Variants in CXCL16 observed in about 807,000 individuals in gnomAD.
CXCL16 encodes C-X-C motif chemokine 16.
In CXCL16, 18 loss-of-function variants were observed where a neutral mutation model predicts 23.8. The observed-to-expected ratio is 0.76, with a 90% CI of 0.52 to 1.12. The LOEUF (loss-of-function observed/expected upper bound fraction) is 1.12. CXCL16 is among the 50% of genes most tolerant of loss of function. The probability of loss-of-function intolerance (pLI) is 0.00; values close to 1 mark genes in which losing one functional copy is unlikely to be tolerated. For missense variants in CXCL16, 297 were observed against 315.4 expected, an observed-to-expected ratio of 0.94 and a Z score of 0.44; for synonymous variants, 123 against 132.5, an observed-to-expected ratio of 0.93 and a Z score of 0.49.
chr17:4,737,575 T>TAAAA (rs55694753), intron 3 of CXCL16, among the ~76,000 whole-genome samples: 66 of 41,914 alleles, frequency 1.6e-3, no homozygotes, highest in Non-Finnish European at 1.8e-3. Context: ...AAGACTCCAT[T>TAAAA]AAAAAAAAAA....
chr17:4,738,495 G>A lies in CXCL16; in HGVS notation c.219-5C>T, dbSNP rs1375822505. ...CTCCAGGAAAGGAGCTGGAACCTGCGGAGGAGAGACCTGGGCTTAGCTGCG... is the reference window on the plus strand; with the variant it reads ...CTCCAGGAAAGGAGCTGGAACCTGCAGAGGAGAGACCTGGGCTTAGCTGCG... On this transcript the variant is annotated splice_region_variant and splice_polypyrimidine_tract_variant and intron_variant, in intron 2 of 5. Transcript: ENST00000293778. This position sits in a 1 kb window ranked among gnomAD's most constrained non-coding sequence, Gnocchi z 4.0. 1.9e-6 allele frequency: 3 copies of A among 1,610,062 alleles called. No homozygotes were observed. The highest frequency in any genetic ancestry group is 2.7e-5 in the African/African-American group (2 of 74,870).
At position 4,738,404 on chromosome 17, in the gene CXCL16, T is replaced by C. The variant is rs377542126; in HGVS notation, c.301+4A>G. On this transcript the variant is annotated splice_donor_region_variant and intron_variant, in intron 3 of 5. Transcript: ENST00000293778. The surrounding 1 kb of genome is among the most constrained non-coding windows in gnomAD (Gnocchi z 4.0). ...GAGCCTGAAGAGCAGTGGAAAAGTC[T>C]CACCTTTGAGATCAAGACAGCTCAT... The C allele has an allele frequency of 4.3e-6, 7 of 1,611,832 alleles. No individual in the cohort carries two copies. The highest frequency in any genetic ancestry group is 5.9e-6 in the Non-Finnish European group (7 of 1,178,044).
rs144767148 is a variant in CXCL16, at chr17:4,738,458, C to T, written c.251G>A (p.Gly84Asp). The T allele has an allele frequency of 5.5e-5, 89 of 1,613,922 alleles. 1 individual carries two copies. The Admixed American group carries it at 1.2e-3, about 22-fold the overall frequency. Residue 84 changes from glycine (G) to aspartate (D), a missense_variant, in exon 3 of 6, where the codon GGC becomes GAC. By Grantham distance (94) the Gly-to-Asp change is moderately conservative. Transcript: ENST00000293778. The surrounding 1 kb of genome is among the most constrained non-coding windows in gnomAD (Gnocchi z 4.0). Reference protein sequence around the residue: ...FQLLSWSVCGGNKDPWVQELM... With the variant: ...FQLLSWSVCGDNKDPWVQELM... ...TTCCTGAACCCATGGGTCCTTGTTG[C>T]CCCCACACACGCTCCAGGAAAGGAG...
chr17:4,737,918 C>T (rs1428315903), intron 3 of CXCL16, among the ~76,000 whole-genome samples: 1 of 149,348 alleles, frequency 6.7e-6, no homozygotes, highest in Non-Finnish European at 1.5e-5. Flanking sequence ...GATCACAAGG[C>T]CAGGAGTTCG....
chr17:4,735,124 C>T lies in CXCL16; in HGVS notation c.686G>A (p.Arg229Lys). ...TAALSYVLCK[R>K]RRGQSPQSSP... ...GGACTGCGGTGACTGCCCCCTCCTC[C>T]TCTTGCACAGCACATAGGAAAGGGC... Residue 229 changes from arginine to lysine, a missense_variant, in exon 4 of 6, where the codon AGG becomes AAG. Coordinates refer to ENST00000293778, the MANE Select transcript of CXCL16 (RefSeq NM_001386809.1). The T allele has an allele frequency of 1.2e-6, 2 of 1,612,924 alleles. No homozygotes were observed.
In CXCL16 at chr17:4,734,414, G is replaced by T. The variant is rs569809284; in HGVS notation, c.*89C>A. The stretch of plus-strand genomic sequence containing the variant: ...CGCCTATAATCCTCGCACCTTCAGA[G>T]GCCAAGGTGGGAGGATCACTTGACT... On this transcript the variant is annotated 3_prime_UTR_variant, in exon 6 of 6. Transcript: ENST00000293778. 2.0e-5 allele frequency: 10 copies of T among 506,496 alleles called. No individual in the cohort carries two copies. In the East Asian group the frequency reaches 3.6e-4, roughly 18 times the overall value. The allele number at this position is 506,496 out of a possible 1,614,324, so 31.4% of individuals were successfully genotyped here.
Position 4,739,362 on chromosome 17 carries a change from G to A in CXCL16, c.-23C>T, listed in dbSNP as rs752527033. 9 of 1,613,058 alleles carry A rather than the reference G, an allele frequency of 5.6e-6. No homozygotes were observed. Among genetic ancestry groups the A allele is most frequent in the African/African-American group, 1.3e-5 (1 of 75,020 alleles). ...CATCTCGGGGCTCCGCGGACTCTGC[G>A]GGGATGGAGCCACCTCGCTCTGACT... On this transcript the variant is annotated 5_prime_UTR_variant, in exon 1 of 6. Coordinates refer to ENST00000293778, the MANE Select transcript of CXCL16 (RefSeq NM_001386809.1). This position sits in a 1 kb window ranked among gnomAD's most constrained non-coding sequence, Gnocchi z 5.3.
chr17:4,739,658 A>G lies in CXCL16; in HGVS notation c.-319T>C. 2 of 679,990 alleles carry G rather than the reference A, an allele frequency of 2.9e-6. No homozygotes were observed. The highest frequency in any genetic ancestry group is 4.4e-6 in the Non-Finnish European group (2 of 458,228). The allele number at this position is 679,990 out of a possible 1,614,324, so 42.1% of individuals were successfully genotyped here. ...GAATCTTGGAAGAAACCGAAAGAAA[A>G]CTCCGGCGGCGGGCGAGGAGGGGCG... On this transcript the variant is annotated 5_prime_UTR_variant, in exon 1 of 6. Coordinates refer to ENST00000293778, the MANE Select transcript of CXCL16 (RefSeq NM_001386809.1). The surrounding 1 kb of genome is among the most constrained non-coding windows in gnomAD (Gnocchi z 5.3).
chr17:4,734,815 C>A (rs1006723632), intron 4 of CXCL16, among the ~76,000 whole-genome samples, 163 bp from the exon 5 acceptor site: 1 of 152,196 alleles, frequency 6.6e-6, no homozygotes, highest in Non-Finnish European at 1.5e-5. Context: ...GCCCTCACCT[C>A]CCTCCACAGC....
Position 4,738,453 on chromosome 17 carries a change from T to A in CXCL16, c.256A>T (p.Lys86Ter). 6 of 1,614,084 alleles carry A rather than the reference T, an allele frequency of 3.7e-6. No individual in the cohort carries two copies. The highest frequency in any genetic ancestry group is 3.4e-6 in the Non-Finnish European group (4 of 1,179,946). ...LLSWSVCGGNKDPWVQELMSC... is the reference protein window; with the variant it reads ...LLSWSVCGGN Reference sequence around the variant, plus strand: ...ATCAATTCCTGAACCCATGGGTCCTTGTTGCCCCCACACACGCTCCAGGAA... The same window carrying A: ...ATCAATTCCTGAACCCATGGGTCCTAGTTGCCCCCACACACGCTCCAGGAA... The change falls in exon 3 of 6, where the codon AAG (lysine) becomes TAG (stop). Residue 86 changes from lysine (K) to a stop codon, truncating the protein, a stop_gained. Coordinates refer to ENST00000293778, the MANE Select transcript of CXCL16 (RefSeq NM_001386809.1). LOFTEE classifies it high-confidence loss of function. This position sits in a 1 kb window ranked among gnomAD's most constrained non-coding sequence, Gnocchi z 4.0.
chr17:4,734,935 C>A (rs549745865), intron 4 of CXCL16, among the ~76,000 whole-genome samples, 157 bp downstream of exon 4: 5 of 152,332 alleles, frequency 3.3e-5, no homozygotes, highest in Admixed American at 6.5e-5. Flanking sequence ...CAGTCCCCGA[C>A]TGACTGTCCT....
Position 4,739,401 on chromosome 17 carries a change from C to T in CXCL16, c.-62G>A. ...CTCGCTCTGACTCCCAGACATGCTC[C>T]GGCGCGTGACGTCCAGCTGGTGTCT... On this transcript the variant is annotated 5_prime_UTR_variant, in exon 1 of 6. Transcript: ENST00000293778. This position sits in a 1 kb window ranked among gnomAD's most constrained non-coding sequence, Gnocchi z 5.3. 2 of 1,610,522 alleles carry T rather than the reference C, an allele frequency of 1.2e-6. No individual in the cohort carries two copies. The highest frequency in any genetic ancestry group is 8.5e-7 in the Non-Finnish European group (1 of 1,179,254).
At chr17:4,734,500 A>G in intron 5 of CXCL16, 21 bp from the exon 6 acceptor site, 1 of 900,982 alleles carries the variant, frequency 1.1e-6, no homozygotes, top group Non-Finnish European at 1.8e-6. Context: ...AAAAACAAAA[A>G]CAAGTATGTA....
Position 4,735,214 on chromosome 17 carries a change from G to C in CXCL16, c.596C>G (p.Thr199Arg). ...QKQPEKNAGP[T>R]ARTSATVPVL... is the part of the protein sequence containing the mutation. ...TGGCACTGTGGCTGATGTCCTGGCT[G>C]TGGGACCAGCATTTTTTTCCGGCTG... The change falls in exon 4 of 6, where the codon ACA becomes AGA. Residue 199 changes from threonine to arginine, a missense_variant. Physicochemically the swap from Thr to Arg is moderately conservative, Grantham distance 71. Coordinates refer to ENST00000293778, the MANE Select transcript of CXCL16 (RefSeq NM_001386809.1). The C allele has an allele frequency of 1.9e-6, 3 of 1,614,184 alleles. No homozygotes were observed. Among genetic ancestry groups the C allele is most frequent in the Non-Finnish European group, 2.5e-6 (3 of 1,180,010 alleles).
chr17:4,735,317 T>C lies in CXCL16; in HGVS notation c.493A>G (p.Thr165Ala). ...TGAATGGTGGTTTCATTGGGACGAGTGAGCTCTTTGTCCGAGGACAGTGAT... is the reference window on the plus strand; with the variant it reads ...TGAATGGTGGTTTCATTGGGACGAGCGAGCTCTTTGTCCGAGGACAGTGAT... ...VGSLSSDKELTRPNETTIHTA... is the reference protein window; with the variant it reads ...VGSLSSDKELARPNETTIHTA... Residue 165 changes from threonine to alanine, a missense_variant, in exon 4 of 6, where the codon ACT becomes GCT. By Grantham distance (58) the Thr-to-Ala change is moderately conservative. Transcript: ENST00000293778. 1 of 1,613,344 alleles carries C rather than the reference T, an allele frequency of 6.2e-7. No individual in the cohort carries two copies. The highest frequency in any genetic ancestry group is 8.5e-7 in the Non-Finnish European group (1 of 1,179,514).
chr17:4,738,630 G>T lies in CXCL16; in HGVS notation c.219-140C>A. On this transcript the variant is annotated intron_variant, in intron 2 of 5. Transcript: ENST00000293778. This position sits in a 1 kb window ranked among gnomAD's most constrained non-coding sequence, Gnocchi z 4.0. ...GAAACTCCCCAGTAGGTGAGACGGAGTCATGAAGTTTCGGGGAATGAGAGC... is the reference window on the plus strand; with the variant it reads ...GAAACTCCCCAGTAGGTGAGACGGATTCATGAAGTTTCGGGGAATGAGAGC... 1.0e-6 allele frequency: 1 copy of T among 1,004,806 alleles called. No homozygotes were observed. The highest frequency in any genetic ancestry group is 1.5e-6 in the Non-Finnish European group (1 of 679,384). 62.2% of individuals were successfully genotyped at this position (1,004,806 alleles called of 1,614,324 possible).
intron 3 of CXCL16, among the ~76,000 whole-genome samples, chr17:4,737,602 A>C (rs1181501350): frequency 1.5e-5 from 2 of 133,822 alleles, no homozygotes; most frequent in Non-Finnish European, 3.5e-5. Context: ...AAAAAAAAGA[A>C]ATGCATCAAG....
Position 4,739,420 on chromosome 17 carries a change from G to T in CXCL16, c.-81C>A. 6.2e-7 allele frequency: 1 copy of T among 1,604,848 alleles called. No homozygotes were observed. Among genetic ancestry groups the T allele is most frequent in the Non-Finnish European group, 8.5e-7 (1 of 1,175,656 alleles). On this transcript the variant is annotated 5_prime_UTR_variant, in exon 1 of 6. Coordinates refer to ENST00000293778, the MANE Select transcript of CXCL16 (RefSeq NM_001386809.1). This position sits in a 1 kb window ranked among gnomAD's most constrained non-coding sequence, Gnocchi z 5.3. ...ATGCTCCGGCGCGTGACGTCCAGCT[G>T]GTGTCTCAATGGCTTTCGCCGGGGA...
In CXCL16 at chr17:4,738,385, G is replaced by T; in HGVS notation, c.301+23C>A. The T allele has an allele frequency of 6.3e-7, 1 of 1,595,650 alleles. No individual in the cohort carries two copies. On this transcript the variant is annotated intron_variant, in intron 3 of 5. Coordinates refer to ENST00000293778, the MANE Select transcript of CXCL16 (RefSeq NM_001386809.1). This position sits in a 1 kb window ranked among gnomAD's most constrained non-coding sequence, Gnocchi z 4.0. ...CTGCTAAGCCCTGGAGGCAGAGCCT[G>T]AAGAGCAGTGGAAAAGTCTCACCTT...
Sources: gnomAD v4.1 joint callset for allele counts (sites outside exome capture counted in the v4.1 genomes callset) on GRCh38, gnomAD v4.1.1 for gene constraint, Gnocchi (gnomAD v3.1) non-coding constraint, MANE v1.5 for transcripts, NCBI Gene and HGNC (gene_info 2026-07-23, HGNC 2026-07-21) for gene names.